PRKCE: variants seen among roughly 807,000 people sequenced by gnomAD.
PRKCE encodes protein kinase C epsilon, also known as protein kinase C epsilon type.
PRKCE carries 16 observed loss-of-function variants against 85.4 expected under a neutral mutation model. The observed-to-expected ratio is 0.19, with a 90% CI of 0.13 to 0.28. The LOEUF is 0.28. Ranked by LOEUF, PRKCE falls within the 10% of genes least tolerant of loss-of-function variation. The pLI is 1.00. For missense variants in PRKCE, 573 were observed against 975.2 expected, an observed-to-expected ratio of 0.59 and a Z score of 5.49; for synonymous variants, 388 against 371.5, an observed-to-expected ratio of 1.04 and a Z score of -0.51.
intron 2 of PRKCE, among the ~76,000 whole-genome samples, chr2:45,848,972 A>G (rs933627165): frequency 6.6e-6 from 1 of 152,158 alleles, no homozygotes; most frequent in African/African-American, 2.4e-5. Flanking sequence ...AGTGGAGGGA[A>G]TCATGTCATC....
chr2:45,807,355 T>A (rs1192402480), intron 1 of PRKCE, among the ~76,000 whole-genome samples: 5 of 152,262 alleles, frequency 3.3e-5, no homozygotes, highest in African/African-American at 1.2e-4. Flanking sequence ...CTGGACAGTG[T>A]CTTCTGGTCT....
At chr2:46,047,716 C>A (rs1220798955) in intron 10 of PRKCE, among the ~76,000 whole-genome samples, 4 of 152,194 alleles carry the variant, frequency 2.6e-5, no homozygotes, top group African/African-American at 7.2e-5. Context: ...CCCTTATTTA[C>A]TTAACTCATT....
intron 1 of PRKCE, among the ~76,000 whole-genome samples, chr2:45,775,692 C>T (rs1379426035): frequency 2.0e-5 from 3 of 152,188 alleles, no homozygotes; most frequent in African/African-American, 4.8e-5. Flanking sequence ...ATGGGTCTCT[C>T]GGCTTCCACC....
chr2:45,828,813 A>G (rs1313444778), intron 1 of PRKCE, among the ~76,000 whole-genome samples: 1 of 152,196 alleles, frequency 6.6e-6, no homozygotes, highest in Non-Finnish European at 1.5e-5. Context: ...GTAGAAGAAA[A>G]GTAGAAAGTT....
chr2:45,768,811 A>G (rs1208653343), intron 1 of PRKCE, among the ~76,000 whole-genome samples: 3 of 152,232 alleles, frequency 2.0e-5, no homozygotes, highest in South Asian at 2.1e-4. Context: ...CACATTTTAC[A>G]TCTATCTGTT....
chr2:46,111,126 T>C (rs940246457), intron 11 of PRKCE, among the ~76,000 whole-genome samples: 1 of 152,206 alleles, frequency 6.6e-6, no homozygotes, highest in African/African-American at 2.4e-5. Context: ...TTGATGACCA[T>C]TACATGCAAG....
intron 2 of PRKCE, among the ~76,000 whole-genome samples, chr2:45,879,202 G>C (rs73928844): frequency 6.6e-6 from 1 of 152,358 alleles, no homozygotes; most frequent in African/African-American, 2.4e-5. Flanking sequence ...ATGTCAGAGA[G>C]AAGCAGCTCG....
At chr2:45,737,613 A>G (rs1467369478) in intron 1 of PRKCE, among the ~76,000 whole-genome samples, 2 of 150,238 alleles carry the variant, frequency 1.3e-5, no homozygotes, top group African/African-American at 4.9e-5. Context: ...ATGTTCCCCA[A>G]GCGTCTGCCC....
At chr2:45,991,456 C>T (rs1306320308) in intron 6 of PRKCE, among the ~76,000 whole-genome samples, 2 of 152,172 alleles carry the variant, frequency 1.3e-5, no homozygotes, top group African/African-American at 2.4e-5. Flanking sequence ...TTCAATCCTC[C>T]GTGCATAGTT....
intron 2 of PRKCE, among the ~76,000 whole-genome samples, chr2:45,941,546 G>C (rs1452043020): frequency 1.3e-5 from 2 of 152,192 alleles, no homozygotes; most frequent in African/African-American, 4.8e-5. Context: ...GAAGGGGTGG[G>C]CTTTGAGGAA....
intron 1 of PRKCE, among the ~76,000 whole-genome samples, chr2:45,804,752 G>C (rs1396906762): frequency 1.3e-5 from 2 of 152,150 alleles, no homozygotes; most frequent in African/African-American, 4.8e-5. Flanking sequence ...GAGGCTGAGG[G>C]ACTTAACATT....
chr2:46,022,206 C>T (rs1202760514), intron 10 of PRKCE, among the ~76,000 whole-genome samples: 2 of 152,176 alleles, frequency 1.3e-5, no homozygotes, highest in Non-Finnish European at 2.9e-5. Context: ...CTGATGCTTG[C>T]TCTGAGACAG....
chr2:45,966,607 C>T (rs557051849), intron 2 of PRKCE, among the ~76,000 whole-genome samples: 10 of 152,310 alleles, frequency 6.6e-5, no homozygotes, highest in African/African-American at 2.4e-4. Flanking sequence ...AGATAAGCCT[C>T]CTGATGAGCT....
chr2:45,658,007 C>T (rs1224261248), intron 1 of PRKCE, among the ~76,000 whole-genome samples: 1 of 152,162 alleles, frequency 6.6e-6, no homozygotes, highest in Non-Finnish European at 1.5e-5. Flanking sequence ...TACTCTAGAG[C>T]ACATCTCTAT....
At chr2:45,865,415 GT>G (rs1693512018) in intron 2 of PRKCE, among the ~76,000 whole-genome samples, 1 of 152,162 alleles carries the variant, frequency 6.6e-6, no homozygotes, top group Non-Finnish European at 1.5e-5. Flanking sequence ...TGCACTCAAG[GT>G]TGAGAATATC....
Position 45,907,294 on chromosome 2 carries a change from T to TA in PRKCE, c.412+64232dup, listed in dbSNP as rs1697052346. ...CAAAGGAAAAAATAAATCAGCCCCC[T>TA]ATTGAGTGACTTTCAGGAATGAGAG... On this transcript the variant is annotated intron_variant, in intron 2 of 14. Coordinates refer to ENST00000306156, the MANE Select transcript of PRKCE (RefSeq NM_005400.3). This position sits in a 1 kb window ranked among gnomAD's most constrained non-coding sequence, Gnocchi z 4.5. Among the ~76,000 whole-genome samples, 1 of 152,152 alleles carries TA rather than the reference T, an allele frequency of 6.6e-6. No individual in the cohort carries two copies.
Position 45,980,285 on chromosome 2 carries a change from G to A in PRKCE, c.608-11G>A, listed in dbSNP as rs369904942. 4.4e-6 allele frequency: 7 copies of A among 1,599,274 alleles called. No homozygotes were observed. The highest frequency in any genetic ancestry group is 1.1e-5 in the South Asian group (1 of 91,062). On this transcript the variant is annotated splice_polypyrimidine_tract_variant and intron_variant, in intron 4 of 14. Coordinates refer to ENST00000306156, the MANE Select transcript of PRKCE (RefSeq NM_005400.3). ...AGTGTCATTCAGCCTTCCTGTCTTT[G>A]CTATTTGCAGTCTGCACCTGCGTGG...
intron 6 of PRKCE, among the ~76,000 whole-genome samples, chr2:46,000,379 G>T (rs1335978125): frequency 6.6e-6 from 1 of 151,868 alleles, no homozygotes; most frequent in African/African-American, 2.4e-5. Flanking sequence ...AGATAGGACA[G>T]GATGGCTAGA....
intron 14 of PRKCE, among the ~76,000 whole-genome samples, chr2:46,176,057 A>C (rs771158682): frequency 2.6e-5 from 4 of 152,146 alleles, no homozygotes; most frequent in African/African-American, 4.8e-5. Context: ...TTTGGTTTTT[A>C]TGCACAGCCA....
Sources: allele counts gnomAD v4.1 joint callset (sites outside exome capture counted in the v4.1 genomes callset), GRCh38; gene constraint gnomAD v4.1.1; non-coding constraint Gnocchi (gnomAD v3.1); transcripts MANE v1.5; gene names NCBI Gene and HGNC (gene_info 2026-07-23, HGNC 2026-07-21).